Variants in KCNH5 observed in about 807,000 individuals in gnomAD.
The protein encoded by KCNH5 is potassium voltage-gated channel subfamily H member 5, also known as voltage-gated delayed rectifier potassium channel KCNH5.
In KCNH5, 46 loss-of-function variants were observed where a neutral mutation model predicts 96.1. That is an observed-to-expected ratio of 0.48 (90% CI 0.38 to 0.61). The LOEUF is 0.61. Among genes scored for constraint, KCNH5 ranks in the 20% least tolerant of loss-of-function variants. KCNH5 has a pLI of 0.00. For synonymous variants in KCNH5, 439 were observed against 449.8 expected, an observed-to-expected ratio of 0.98 and a Z score of 0.30; for missense variants, 907 against 1,225.8, an observed-to-expected ratio of 0.74 and a Z score of 3.88.
At chr14:62,880,457 T>C (rs374618797) in intron 7 of KCNH5, among the ~76,000 whole-genome samples, 6 of 152,184 alleles carry the variant, frequency 3.9e-5, no homozygotes, top group Admixed American at 6.5e-5. Flanking sequence ...AAACCAGGAA[T>C]TGATTTTCAA....
At chr14:62,840,815 G>A (rs1956018) in intron 8 of KCNH5, among the ~76,000 whole-genome samples, 16,327 of 151,610 alleles carry the variant, frequency 0.11, 1,101 homozygotes, top group East Asian at 0.29. Flanking sequence ...ATCCACTCAC[G>A]TTGACCTCCC....
At chr14:62,761,033 C>T (rs1046853042) in intron 10 of KCNH5, among the ~76,000 whole-genome samples, 1 of 152,118 alleles carries the variant, frequency 6.6e-6, no homozygotes, top group Admixed American at 6.5e-5. Context: ...CTTGAAATCC[C>T]TCCTTTGAAT....
At chr14:62,835,452 A>T (rs916666163) in intron 8 of KCNH5, among the ~76,000 whole-genome samples, 2 of 152,074 alleles carry the variant, frequency 1.3e-5, no homozygotes, top group African/African-American at 2.4e-5. Flanking sequence ...TACACATCTA[A>T]GTTCATGAGG....
rs143213486 is a variant in KCNH5, at chr14:62,788,680, C to G, written c.1823-8756G>C. 1.5e-3 allele frequency among the ~76,000 whole-genome samples: 230 copies of G among 152,176 alleles called. 1 individual carries two copies. Among genetic ancestry groups the G allele is most frequent in the East Asian group, 4.1e-3 (21 of 5,172 alleles). Reference sequence around the variant, plus strand: ...CCCCTCTATTCCACCCTTCAGCAACCACCAATCTGATCAGTCTGTATCTGT... The same window carrying G: ...CCCCTCTATTCCACCCTTCAGCAACGACCAATCTGATCAGTCTGTATCTGT... On this transcript the variant is annotated intron_variant, in intron 9 of 10. Coordinates refer to ENST00000322893, the MANE Select transcript of KCNH5 (RefSeq NM_139318.5).
chr14:62,830,806 T>G (rs1325818012), intron 8 of KCNH5, among the ~76,000 whole-genome samples: 1 of 151,794 alleles, frequency 6.6e-6, no homozygotes, highest in East Asian at 1.9e-4. Context: ...GAAGATATTT[T>G]TTCTGTATAT....
intron 1 of KCNH5, among the ~76,000 whole-genome samples, chr14:63,028,915 G>A (rs1202215249): frequency 6.6e-6 from 1 of 152,074 alleles, no homozygotes; most frequent in Non-Finnish European, 1.5e-5. Context: ...AACTCAAAGA[G>A]CGTTTTTCAA....
At chr14:62,759,103 T>C (rs1451755978) in intron 10 of KCNH5, among the ~76,000 whole-genome samples, 2 of 152,248 alleles carry the variant, frequency 1.3e-5, no homozygotes, top group Non-Finnish European at 2.9e-5. Context: ...TTGATCCTCA[T>C]TTAAAACAAT....
chr14:62,974,890 T>C (rs1382783544), intron 6 of KCNH5, among the ~76,000 whole-genome samples: 4 of 152,200 alleles, frequency 2.6e-5, no homozygotes, highest in African/African-American at 9.6e-5. Context: ...GGAAGACACA[T>C]TCTTCACCAT....
At chr14:62,920,413 TG>T (rs1276150521) in intron 7 of KCNH5, among the ~76,000 whole-genome samples, 1 of 151,794 alleles carries the variant, frequency 6.6e-6, no homozygotes, top group African/African-American at 2.4e-5. Context: ...GGATGCAGGG[TG>T]GGGTAAACTT....
intron 10 of KCNH5, among the ~76,000 whole-genome samples, chr14:62,776,011 G>A (rs1256687974): frequency 3.3e-5 from 5 of 152,050 alleles, no homozygotes; most frequent in Admixed American, 3.3e-4. Flanking sequence ...GCTCACACCT[G>A]TAATCCCAGC....
intron 8 of KCNH5, among the ~76,000 whole-genome samples, chr14:62,824,719 C>G (rs76178000): frequency 0.014 from 2,150 of 152,098 alleles, 48 homozygotes; most frequent in African/African-American, 0.05. Context: ...TCTTGTCACC[C>G]AGGTACTGAG....
intron 7 of KCNH5, among the ~76,000 whole-genome samples, chr14:62,940,198 C>CCTAT (rs1257523007): frequency 1.3e-5 from 2 of 152,104 alleles, no homozygotes; most frequent in South Asian, 2.1e-4. Flanking sequence ...TGTATTGGAA[C>CCTAT]ATAGCCACAC....
intron 7 of KCNH5, among the ~76,000 whole-genome samples, chr14:62,874,499 A>C (rs1341487797): frequency 1.3e-5 from 2 of 152,182 alleles, no homozygotes; most frequent in African/African-American, 4.8e-5. Flanking sequence ...CACCACGATC[A>C]AGTGGGCTTC....
intron 7 of KCNH5, among the ~76,000 whole-genome samples, chr14:62,884,129 A>G (rs1888547235): frequency 6.6e-6 from 1 of 152,218 alleles, no homozygotes; most frequent in Non-Finnish European, 1.5e-5. Context: ...AGAATTTAAA[A>G]TATTTTTCTT....
intron 7 of KCNH5, among the ~76,000 whole-genome samples, chr14:62,913,901 C>T (rs1326745447): frequency 2.0e-5 from 3 of 152,034 alleles, no homozygotes; most frequent in Non-Finnish European, 4.4e-5. Context: ...ACAATGTTAG[C>T]CTCAAACATC....
chr14:63,026,469 G>A (rs975691242), intron 1 of KCNH5, among the ~76,000 whole-genome samples: 2 of 151,594 alleles, frequency 1.3e-5, no homozygotes, highest in African/African-American at 4.8e-5. Context: ...ACATATAAGG[G>A]GTTAATATGC....
chr14:62,940,585 A>G (rs1426899076), intron 7 of KCNH5, among the ~76,000 whole-genome samples: 5 of 152,306 alleles, frequency 3.3e-5, no homozygotes, highest in South Asian at 2.1e-4. Context: ...CTTTCCATTC[A>G]CATCTACTTT....
At chr14:62,906,590 C>A (rs1889032271) in intron 7 of KCNH5, among the ~76,000 whole-genome samples, 1 of 152,062 alleles carries the variant, frequency 6.6e-6, no homozygotes, top group Non-Finnish European at 1.5e-5. Flanking sequence ...CTCTGTTGAA[C>A]AACAAATAGA....
chr14:62,882,457 G>T (rs1888513162), intron 7 of KCNH5, among the ~76,000 whole-genome samples: 1 of 152,128 alleles, frequency 6.6e-6, no homozygotes, highest in Non-Finnish European at 1.5e-5. Flanking sequence ...CACAAGCAAT[G>T]TGCTATACAC....
Sources: allele counts gnomAD v4.1 joint callset (sites outside exome capture counted in the v4.1 genomes callset), GRCh38; gene constraint gnomAD v4.1.1; transcripts MANE v1.5; gene names NCBI Gene and HGNC (gene_info 2026-07-23, HGNC 2026-07-21).